Variants in FOCAD observed in about 807,000 individuals in gnomAD.
FOCAD encodes KIAA1797.
Under a neutral mutation model 225.6 loss-of-function variants are expected in FOCAD, and 198 were observed. That is an observed-to-expected ratio of 0.88 (90% CI 0.78 to 0.99). FOCAD has a LOEUF of 0.99. FOCAD is among the 50% of genes least tolerant of loss of function. The pLI is 0.00. For missense variants in FOCAD, 2,713 were observed against 2,123.6 expected (o/e 1.28, Z -5.46); for synonymous variants, 897 against 755.0 (o/e 1.19, Z -3.08).
At chr9:20,693,025 A>G (rs1823067216) in intron 1 of FOCAD, among the ~76,000 whole-genome samples, 1 of 152,162 alleles carries the variant, frequency 6.6e-6, no homozygotes, top group Non-Finnish European at 1.5e-5. Flanking sequence ...TTTTATAAAA[A>G]CGTGAGTTAG....
intron 35 of FOCAD, among the ~76,000 whole-genome samples, chr9:20,956,503 G>A (rs749029378): frequency 2.0e-5 from 3 of 152,048 alleles, no homozygotes; most frequent in Admixed American, 1.3e-4. Context: ...CTATATGTAT[G>A]TGTATGTGTT....
chr9:20,757,824 TG>T, intron 5 of FOCAD, among the ~76,000 whole-genome samples: 1 of 152,280 alleles, frequency 6.6e-6, no homozygotes. Flanking sequence ...AACTGTTAAA[TG>T]GAAGAGTCCA....
chr9:20,946,673 A>T, intron 29 of FOCAD, 28 bp from the exon 30 acceptor site: 1 of 1,591,946 alleles, frequency 6.3e-7, no homozygotes, highest in Non-Finnish European at 8.5e-7. Flanking sequence ...TCCTGAAGAC[A>T]TATTTTTCTG....
chr9:20,723,489 G>T (rs1285187997), intron 4 of FOCAD, among the ~76,000 whole-genome samples: 1 of 152,216 alleles, frequency 6.6e-6, no homozygotes, highest in Non-Finnish European at 1.5e-5. Context: ...GCGAGACTTG[G>T]TCTCAAAAGA....
At chr9:20,843,469 T>A (rs2131579704) in intron 15 of FOCAD, among the ~76,000 whole-genome samples, 1 of 152,254 alleles carries the variant, frequency 6.6e-6, no homozygotes, top group East Asian at 1.9e-4. Context: ...AGTCTGCTGC[T>A]AGACTTATTG....
chr9:20,779,270 A>T (rs898952635), intron 9 of FOCAD, among the ~76,000 whole-genome samples: 2 of 152,266 alleles, frequency 1.3e-5, no homozygotes, highest in African/African-American at 2.4e-5. Flanking sequence ...GTTAAGAAGA[A>T]TGTGGTAAAG....
intron 11 of FOCAD, among the ~76,000 whole-genome samples, chr9:20,812,618 G>T (rs759429525): frequency 3.5e-4 from 53 of 151,842 alleles, no homozygotes; most frequent in Non-Finnish European, 6.2e-4. Context: ...TCCAATTTAT[G>T]GGGTGAAGAC....
At chr9:20,856,545 C>A (rs1828204260) in intron 15 of FOCAD, among the ~76,000 whole-genome samples, 1 of 151,576 alleles carries the variant, frequency 6.6e-6, no homozygotes. Context: ...GGGTTGTCTC[C>A]TCGCTTTGTT....
intron 2 of FOCAD, among the ~76,000 whole-genome samples, chr9:20,675,047 G>A (rs557396694): frequency 1.1e-4 from 16 of 152,302 alleles, no homozygotes; most frequent in African/African-American, 3.1e-4. Context: ...AAGGGCAATT[G>A]ACTTCTTCCT....
At chr9:20,869,037 G>A (rs539991391) in intron 18 of FOCAD, among the ~76,000 whole-genome samples, 8 of 152,236 alleles carry the variant, frequency 5.3e-5, no homozygotes, top group African/African-American at 1.7e-4. Context: ...CAGCCTGGTC[G>A]GTGCTTCACC....
chr9:20,957,134 G>A (rs1838227434), intron 35 of FOCAD, among the ~76,000 whole-genome samples: 1 of 152,190 alleles, frequency 6.6e-6, no homozygotes, highest in Admixed American at 6.5e-5. Context: ...CACGATCATG[G>A]CTTACTGCAA....
chr9:20,921,663 A>G (rs1834446677), intron 24 of FOCAD, among the ~76,000 whole-genome samples: 1 of 152,226 alleles, frequency 6.6e-6, no homozygotes, highest in South Asian at 2.1e-4. Context: ...TTCAAAGATT[A>G]TTATCCAAAT....
chr9:20,928,117 C>T (rs1345687306), intron 26 of FOCAD, among the ~76,000 whole-genome samples: 7 of 152,110 alleles, frequency 4.6e-5, no homozygotes, highest in Non-Finnish European at 1.0e-4. Flanking sequence ...CAATAACTAT[C>T]TAGTTCAGGT....
chr9:20,944,878 C>G, intron 29 of FOCAD, 104 bp downstream of exon 29: 1 of 1,228,024 alleles, frequency 8.1e-7, no homozygotes, highest in Non-Finnish European at 1.1e-6. Context: ...AAATTAAATT[C>G]TTCCTCAAAG....
intron 2 of FOCAD, among the ~76,000 whole-genome samples, chr9:20,665,214 C>T (rs1313246990): frequency 1.3e-5 from 2 of 152,110 alleles, no homozygotes; most frequent in Non-Finnish European, 2.9e-5. Flanking sequence ...CCCAAGAGAT[C>T]TAAAGACCTA....
chr9:20,657,128 G>A (rs1223554629), upstream of FOCAD, among the ~76,000 whole-genome samples: 1 of 152,062 alleles, frequency 6.6e-6, no homozygotes, highest in Admixed American at 6.6e-5. Flanking sequence ...TGGCTTGTAG[G>A]GTTTCTGCCG....
intron 11 of FOCAD, among the ~76,000 whole-genome samples, chr9:20,793,521 T>C (rs1178103135): frequency 2.6e-5 from 4 of 152,194 alleles, no homozygotes; most frequent in Admixed American, 6.5e-5. Context: ...ATGGTTCTCA[T>C]TGAAGGAATT....
chr9:20,828,232 T>C (rs371811246), intron 15 of FOCAD, among the ~76,000 whole-genome samples: 3 of 152,082 alleles, frequency 2.0e-5, no homozygotes, highest in East Asian at 3.9e-4. Flanking sequence ...AGATGATAGA[T>C]ATATTAGTTT....
intron 5 of FOCAD, among the ~76,000 whole-genome samples, chr9:20,747,237 G>T (rs934714298): frequency 6.6e-5 from 10 of 152,066 alleles, no homozygotes; most frequent in Non-Finnish European, 1.0e-4. Context: ...TGGTTTAGAG[G>T]TGGAAATGAC....
Sources: allele counts gnomAD v4.1 joint callset (sites outside exome capture counted in the v4.1 genomes callset), GRCh38; gene constraint gnomAD v4.1.1; transcripts MANE v1.5; gene names NCBI Gene and HGNC (gene_info 2026-07-23, HGNC 2026-07-21).